QKI: variants seen among roughly 807,000 people sequenced by gnomAD.
The protein encoded by QKI is QKI, KH domain containing RNA binding.
In QKI, 10 loss-of-function variants were observed where a neutral mutation model predicts 39.0. The ratio of observed to expected loss-of-function variants is 0.26; its 90% CI spans 0.16 to 0.43. The LOEUF is 0.43. Ranked by LOEUF, QKI falls within the 20% of genes least tolerant of loss-of-function variation. The pLI is 1.00. For synonymous variants in QKI, 204 were observed against 155.4 expected (o/e 1.31, Z -2.33); for missense variants, 218 against 428.0 (o/e 0.51, Z 4.33).
chr6:163,564,179 T>A, intron 6 of QKI: 2 of 1,020,248 alleles, frequency 2.0e-6, no homozygotes, highest in Non-Finnish European at 2.3e-6. Context: ...TGTGTGTGTT[T>A]TGTAATATTT....
intron 3 of QKI, among the ~76,000 whole-genome samples, chr6:163,492,948 T>A (rs1031910028): frequency 2.0e-5 from 3 of 152,072 alleles, no homozygotes; most frequent in Non-Finnish European, 4.4e-5. Flanking sequence ...ATGAATTTTT[T>A]CTTAATTATG....
intron 3 of QKI, among the ~76,000 whole-genome samples, chr6:163,493,361 C>T (rs1778188716): frequency 6.6e-6 from 1 of 152,132 alleles, no homozygotes; most frequent in South Asian, 2.1e-4. Flanking sequence ...AACTCCTGAA[C>T]TCAGGTGATC....
chr6:163,431,280 A>G (rs1017627372), intron 1 of QKI, among the ~76,000 whole-genome samples: 10 of 152,212 alleles, frequency 6.6e-5, no homozygotes, highest in African/African-American at 9.6e-5. Flanking sequence ...TTAAATAACA[A>G]TTCAGTCAAA....
At chr6:163,438,357 AAGAT>A (rs1789473022) in intron 1 of QKI, among the ~76,000 whole-genome samples, 1 of 144,070 alleles carries the variant, frequency 6.9e-6, no homozygotes. Context: ...TTTAAAGAGA[AAGAT>A]ATATATACAC....
At chr6:163,459,443 C>T (rs939348797) in intron 2 of QKI, among the ~76,000 whole-genome samples, 2 of 152,128 alleles carry the variant, frequency 1.3e-5, no homozygotes, top group Non-Finnish European at 2.9e-5. Context: ...CCTCCGTGCA[C>T]CTCCAGCCCC....
chr6:163,540,048 TG>T (rs199617712), intron 4 of QKI, among the ~76,000 whole-genome samples: 127 of 148,632 alleles, frequency 8.5e-4, no homozygotes, highest in Middle Eastern at 6.9e-3. Flanking sequence ...CATCTTGAAC[TG>T]TTTTTTTTTT....
intron 2 of QKI, among the ~76,000 whole-genome samples, chr6:163,468,618 A>G (rs1467010497): frequency 6.6e-6 from 1 of 152,230 alleles, no homozygotes; most frequent in Non-Finnish European, 1.5e-5. Context: ...GTAAATTAAC[A>G]TGCCACTTGG....
At chr6:163,421,885 C>T (rs1788020382) in intron 1 of QKI, among the ~76,000 whole-genome samples, 1 of 151,992 alleles carries the variant, frequency 6.6e-6, no homozygotes, top group Non-Finnish European at 1.5e-5. Flanking sequence ...GCTGGGATTA[C>T]AGGCGCCCGC....
intron 3 of QKI, among the ~76,000 whole-genome samples, chr6:163,517,114 GCTCT>G (rs1779878227): frequency 7.6e-6 from 1 of 132,416 alleles, no homozygotes; most frequent in Non-Finnish European, 1.6e-5. Context: ...GCTCTCTCTA[GCTCT>G]CTCTGTCTCC....
chr6:163,462,167 G>T (rs143983137), intron 2 of QKI, among the ~76,000 whole-genome samples: 4,238 of 152,116 alleles, frequency 0.028, 193 homozygotes, highest in African/African-American at 0.096. Flanking sequence ...TGTTGCCCAG[G>T]CTGGTCTTGA....
intron 2 of QKI, among the ~76,000 whole-genome samples, chr6:163,460,679 TAA>T (rs1791284868): frequency 6.6e-6 from 1 of 152,160 alleles, no homozygotes; most frequent in African/African-American, 2.4e-5. Flanking sequence ...TATCTTTCCT[TAA>T]AGTCTTTGTT....
intron 1 of QKI, among the ~76,000 whole-genome samples, chr6:163,450,297 A>G (rs950231877): frequency 6.6e-5 from 10 of 152,174 alleles, no homozygotes; most frequent in Non-Finnish European, 1.3e-4. Context: ...ACTTCAAGTG[A>G]TCTGCCCACC....
At chr6:163,479,222 G>A (rs983610948) in intron 3 of QKI, among the ~76,000 whole-genome samples, 1 of 152,054 alleles carries the variant, frequency 6.6e-6, no homozygotes, top group African/African-American at 2.4e-5. Context: ...CCGGGAGGCA[G>A]AGATTTCAGA....
intron 1 of QKI, among the ~76,000 whole-genome samples, chr6:163,425,252 G>A (rs774862615): frequency 2.6e-5 from 4 of 152,202 alleles, no homozygotes; most frequent in Non-Finnish European, 5.9e-5. Flanking sequence ...CCAGCACCAT[G>A]GTGATGGGCA....
intron 7 of QKI, 43 bp downstream of exon 7, chr6:163,566,838 G>A (rs377218765): frequency 6.2e-7 from 1 of 1,602,250 alleles, no homozygotes; most frequent in Middle Eastern, 1.7e-4. Context: ...AAATGCGTTG[G>A]GTGTCCATAA....
intron 3 of QKI, among the ~76,000 whole-genome samples, chr6:163,513,747 A>G (rs1455945269): frequency 6.6e-6 from 1 of 152,154 alleles, no homozygotes; most frequent in African/African-American, 2.4e-5. Context: ...AGCGCCTAAG[A>G]TTTTTATCTT....
intron 1 of QKI, among the ~76,000 whole-genome samples, chr6:163,420,150 T>G (rs1787868712): frequency 1.4e-5 from 2 of 147,316 alleles, no homozygotes; most frequent in Admixed American, 1.3e-4. Flanking sequence ...TTTTCTTTTC[T>G]TTTCTTTTTT....
intron 3 of QKI, among the ~76,000 whole-genome samples, chr6:163,511,986 G>A (rs992448844): frequency 1.4e-5 from 2 of 145,312 alleles, no homozygotes; most frequent in Non-Finnish European, 3.1e-5. Flanking sequence ...GATAAAAAAA[G>A]AAGATACTGC....
intron 4 of QKI, among the ~76,000 whole-genome samples, chr6:163,538,839 G>A (rs1467428544): frequency 6.6e-6 from 1 of 152,186 alleles, no homozygotes; most frequent in Non-Finnish European, 1.5e-5. Context: ...GACTTGGTGT[G>A]ATATGATATG....
Sources: allele counts gnomAD v4.1 joint callset (sites outside exome capture counted in the v4.1 genomes callset), GRCh38; gene constraint gnomAD v4.1.1; transcripts MANE v1.5; gene names NCBI Gene and HGNC (gene_info 2026-07-23, HGNC 2026-07-21).